ZNF236: variants seen among roughly 807,000 people sequenced by gnomAD.
ZNF236 encodes the protein regulated by glucose.
ZNF236 carries 50 observed loss-of-function variants against 191.2 expected under a neutral mutation model. The observed-to-expected ratio is 0.26, with a 90% CI of 0.21 to 0.33. ZNF236 has a LOEUF of 0.33. ZNF236 is among the 10% of genes least tolerant of loss of function. The probability of loss-of-function intolerance (pLI) is 1.00; values close to 1 mark genes in which losing one functional copy is unlikely to be tolerated. For missense variants in ZNF236, 1,754 were observed against 2,374.5 expected (o/e 0.74, Z 5.43); for synonymous variants, 907 against 928.8 (o/e 0.98, Z 0.43).
At chr18:76,857,396 T>C (rs928417035) in intron 3 of ZNF236, among the ~76,000 whole-genome samples, 1 of 152,202 alleles carries the variant, frequency 6.6e-6, no homozygotes, top group African/African-American at 2.4e-5. Context: ...GATATGGTCT[T>C]CCTCCTCTGC....
intron 10 of ZNF236, among the ~76,000 whole-genome samples, chr18:76,896,538 C>T: frequency 6.6e-6 from 1 of 151,770 alleles, no homozygotes; most frequent in East Asian, 1.9e-4. Context: ...ACACACAGTG[C>T]CAAACACAGG....
rs971610857 is a variant in ZNF236 at position 76,880,752 on chromosome 18, G to C, written c.1188+436G>C. On this transcript the variant is annotated intron_variant, in intron 8 of 30. Coordinates refer to ENST00000320610, the MANE Select transcript of ZNF236 (RefSeq NM_001306089.2). The surrounding 1 kb of genome is among the most constrained non-coding windows in gnomAD (Gnocchi z 5.0). ...GTGTGGGCAGCACCTGCACGTGTGG[G>C]AGAGGAGGGGGGCAGGAGCGCAGAG... Among the ~76,000 whole-genome samples, 1 of 152,162 alleles carries C rather than the reference G, an allele frequency of 6.6e-6. No individual in the cohort carries two copies. The highest frequency in any genetic ancestry group is 2.4e-5 in the African/African-American group (1 of 41,442).
At chr18:76,906,608 C>T (rs574029557) in intron 13 of ZNF236, among the ~76,000 whole-genome samples, 4 of 152,302 alleles carry the variant, frequency 2.6e-5, no homozygotes. Flanking sequence ...AGTGTCCTTT[C>T]GTAGTAGTAT....
chr18:76,867,744 G>A (rs191784374), intron 3 of ZNF236, among the ~76,000 whole-genome samples: 4 of 152,262 alleles, frequency 2.6e-5, no homozygotes, highest in South Asian at 4.1e-4. Flanking sequence ...TCTAGGCCAC[G>A]CACAGTCAGC....
intron 10 of ZNF236, among the ~76,000 whole-genome samples, chr18:76,895,825 A>G (rs1240170158): frequency 1.3e-5 from 2 of 151,450 alleles, no homozygotes; most frequent in East Asian, 3.9e-4. Context: ...ACTACTGCTC[A>G]CAAATACTGC....
At chr18:76,871,896 C>T in intron 5 of ZNF236, 71 bp downstream of exon 5, 1 of 1,574,252 alleles carries the variant, frequency 6.4e-7, no homozygotes, top group Non-Finnish European at 8.7e-7. Flanking sequence ...TTTTTGCTAG[C>T]TCGACTTGGA....
At chr18:76,823,878 T>C (rs766834580) in intron 1 of ZNF236, among the ~76,000 whole-genome samples, 9 of 152,116 alleles carry the variant, frequency 5.9e-5, no homozygotes, top group Non-Finnish European at 1.3e-4. Context: ...CGTGCGGCCT[T>C]GGACGCGAGT....
At position 76,937,162 on chromosome 18, in the gene ZNF236, A is replaced by G; in HGVS notation, c.4601A>G (p.Asn1534Ser). ...QEITLTISELNTTSGSLPSTT... is the reference protein window; with the variant it reads ...QEITLTISELSTTSGSLPSTT... Reference sequence around the variant, plus strand: ...TACTTTGCCTCTTTTGTAGAACTTAACACTACAAGCGGAAGCCTTCCTTCA... The same window carrying G: ...TACTTTGCCTCTTTTGTAGAACTTAGCACTACAAGCGGAAGCCTTCCTTCA... Residue 1534 changes from asparagine to serine, a missense_variant, in exon 26 of 31, where the codon AAC becomes AGC. Around this residue, in one of 5 missense-constraint regions of ZNF236, gnomAD observed 606 missense variants for 761.5 expected, o/e 0.80. Coordinates refer to ENST00000320610, the MANE Select transcript of ZNF236 (RefSeq NM_001306089.2). The G allele has an allele frequency of 6.2e-7, 1 of 1,613,670 alleles. No homozygotes were observed. Among genetic ancestry groups the G allele is most frequent in the Non-Finnish European group, 8.5e-7 (1 of 1,179,632 alleles).
At chr18:76,957,384 G>T (rs551045612) in intron 28 of ZNF236, among the ~76,000 whole-genome samples, 1 of 152,372 alleles carries the variant, frequency 6.6e-6, no homozygotes, top group South Asian at 2.1e-4. Context: ...GAAGCCCAGG[G>T]CCCCACCTGT....
Position 76,875,694 on chromosome 18 carries a change from T to C in ZNF236, c.840+30T>C. ...ACACGGGTTGGGGGCATAAGCGGTA[T>C]TTCACAGGGGACAGTAGGTATCTTT... On this transcript the variant is annotated intron_variant, in intron 6 of 30. Coordinates refer to ENST00000320610, the MANE Select transcript of ZNF236 (RefSeq NM_001306089.2). This position sits in a 1 kb window ranked among gnomAD's most constrained non-coding sequence, Gnocchi z 4.3. 3 of 1,497,538 alleles carry C rather than the reference T, an allele frequency of 2.0e-6. No homozygotes were observed. The highest frequency in any genetic ancestry group is 2.7e-6 in the Non-Finnish European group (3 of 1,113,514). 92.8% of individuals were successfully genotyped at this position (1,497,538 alleles called of 1,614,324 possible). A position where few individuals can be genotyped will look rare whatever the true frequency, so the allele number is the denominator to read the frequency against.
At chr18:76,849,793 A>T (rs2122506062) in intron 2 of ZNF236, 125 bp downstream of exon 2, 1 of 922,782 alleles carries the variant, frequency 1.1e-6, no homozygotes, top group Non-Finnish European at 1.5e-6. Flanking sequence ...TATATTCTAC[A>T]AATAAATATT....
At chr18:76,877,840 G>A (rs1337441102) in intron 6 of ZNF236, among the ~76,000 whole-genome samples, 169 bp from the exon 7 acceptor site, 1 of 152,000 alleles carries the variant, frequency 6.6e-6, no homozygotes, top group Admixed American at 6.6e-5. Context: ...TAAAGAGTAG[G>A]GTCATTGATT....
At chr18:76,906,740 A>G (rs1977754590) in intron 13 of ZNF236, among the ~76,000 whole-genome samples, 1 of 152,202 alleles carries the variant, frequency 6.6e-6, no homozygotes, top group African/African-American at 2.4e-5. Flanking sequence ...CGAGGGACAC[A>G]TGTAGGAGAT....
intron 7 of ZNF236, among the ~76,000 whole-genome samples, 174 bp from the exon 8 acceptor site, chr18:76,879,939 A>G (rs1053276999): frequency 2.6e-5 from 4 of 152,186 alleles, no homozygotes; most frequent in Non-Finnish European, 5.9e-5. Flanking sequence ...ATTAAGAGCC[A>G]ATATCGTGCC....
chr18:76,911,025 C>T (rs540062885), intron 16 of ZNF236, among the ~76,000 whole-genome samples: 1 of 152,306 alleles, frequency 6.6e-6, no homozygotes, highest in South Asian at 2.1e-4. Flanking sequence ...TTAAAGGTTT[C>T]ACTGCCATGG....
intron 20 of ZNF236, among the ~76,000 whole-genome samples, chr18:76,921,972 G>C (rs1030623182): frequency 1.3e-5 from 2 of 152,046 alleles, no homozygotes; most frequent in African/African-American, 4.8e-5. Flanking sequence ...CCAGAGATAA[G>C]CACTGTTAAC....
At chr18:76,865,052 G>A (rs1230395040) in intron 3 of ZNF236, among the ~76,000 whole-genome samples, 3 of 152,156 alleles carry the variant, frequency 2.0e-5, no homozygotes, top group South Asian at 4.1e-4. Context: ...AAAAGACATT[G>A]CTGGCTGGGC....
At chr18:76,944,540 G>T (rs1001486333) in intron 26 of ZNF236, among the ~76,000 whole-genome samples, 2 of 151,986 alleles carry the variant, frequency 1.3e-5, no homozygotes, top group Non-Finnish European at 2.9e-5. Context: ...GCCTGTAATC[G>T]CAGGCCGAGG....
At chr18:76,857,903 A>T (rs997457664) in intron 3 of ZNF236, among the ~76,000 whole-genome samples, 3 of 152,226 alleles carry the variant, frequency 2.0e-5, no homozygotes, top group Admixed American at 2.0e-4. Context: ...TTGAATCTTT[A>T]TGAGAACACG....
Sources: gnomAD v4.1 joint callset for allele counts (sites outside exome capture counted in the v4.1 genomes callset) on GRCh38, gnomAD v4.1.1 for gene constraint, gnomAD v4.1.1 regional missense constraint, Gnocchi (gnomAD v3.1) non-coding constraint, MANE v1.5 for transcripts, NCBI Gene and HGNC (gene_info 2026-07-23, HGNC 2026-07-21) for gene names.